PARP14: variants seen among roughly 807,000 people sequenced by gnomAD.
PARP14 encodes poly(ADP-ribose) polymerase family member 14.
In PARP14, 59 loss-of-function variants were observed where a neutral mutation model predicts 154.2. The ratio of observed to expected loss-of-function variants is 0.38; its 90% CI spans 0.31 to 0.48. The LOEUF (loss-of-function observed/expected upper bound fraction) is 0.48, where lower values mean the gene tolerates loss of function less well. Among genes scored for constraint, PARP14 ranks in the 20% least tolerant of loss-of-function variants. PARP14 has a pLI of 0.98. For synonymous variants in PARP14, 720 were observed against 780.5 expected (o/e 0.92, Z 1.29); for missense variants, 1,734 against 2,131.6 (o/e 0.81, Z 3.67).
At chr3:122,691,492 C>A (rs1215258360) in intron 3 of PARP14, among the ~76,000 whole-genome samples, 2 of 152,154 alleles carry the variant, frequency 1.3e-5, no homozygotes, top group African/African-American at 2.4e-5. Context: ...GTGTGTATTC[C>A]TTAATCATTT....
rs953683184 is a variant in PARP14 at position 122,687,186 on chromosome 3, A to T, written c.355+73A>T. ...ATTTATTAAAGGCAGCACTTGAGGGAGTCAGCCCTCTCTTCTTGACTTCCA... is the reference window on the plus strand; with the variant it reads ...ATTTATTAAAGGCAGCACTTGAGGGTGTCAGCCCTCTCTTCTTGACTTCCA... On this transcript the variant is annotated intron_variant, in intron 3 of 16. Transcript: ENST00000474629. 5 of 1,040,322 alleles carry T rather than the reference A, an allele frequency of 4.8e-6. No individual in the cohort carries two copies. The African/African-American group carries it at 7.9e-5, about 16-fold the overall frequency. The allele number at this position is 1,040,322 out of a possible 1,614,324, so 64.4% of individuals were successfully genotyped here. A position where few individuals can be genotyped will look rare whatever the true frequency, so the allele number is the denominator to read the frequency against.
At chr3:122,710,156 T>C (rs142464385) in intron 9 of PARP14, among the ~76,000 whole-genome samples, 37 of 152,284 alleles carry the variant, frequency 2.4e-4, no homozygotes, top group Middle Eastern at 6.8e-3. Context: ...AGAAGAGTTT[T>C]TCCAATGTTA....
At position 122,727,997 on chromosome 3, in the gene PARP14, G is replaced by A. The variant is rs373983074; in HGVS notation, c.5116+11G>A. ...ATGCCGGAAAGAATGGTAAGGAAGC[G>A]AGTAATCTGGCTGCTTGGAATGAGG... is the stretch of plus-strand genomic sequence containing the variant. On this transcript the variant is annotated intron_variant, in intron 16 of 16. Coordinates refer to ENST00000474629, the MANE Select transcript of PARP14 (RefSeq NM_017554.3). 1.8e-5 allele frequency: 29 copies of A among 1,602,636 alleles called. No homozygotes were observed. The highest frequency in any genetic ancestry group is 5.4e-5 in the African/African-American group (4 of 74,384).
At chr3:122,722,810 G>A (rs1366503519) in intron 15 of PARP14, among the ~76,000 whole-genome samples, 1 of 152,130 alleles carries the variant, frequency 6.6e-6, no homozygotes, top group Non-Finnish European at 1.5e-5. Flanking sequence ...GTAAGTTGCA[G>A]ACATCATGAT....
In PARP14 at chr3:122,692,547, A is replaced by G; in HGVS notation, c.598+4A>G. 1 of 1,601,876 alleles carries G rather than the reference A, an allele frequency of 6.2e-7. No homozygotes were observed. Among genetic ancestry groups the G allele is most frequent in the Non-Finnish European group, 8.5e-7 (1 of 1,170,604 alleles). On this transcript the variant is annotated splice_donor_region_variant and intron_variant, in intron 4 of 16. Coordinates refer to ENST00000474629, the MANE Select transcript of PARP14 (RefSeq NM_017554.3). ...GTTACCTTTCAAAAGCACATAGGTA[A>G]GATGAAGTGACACTTCCTCTGCCTG...
chr3:122,694,744 T>C (rs1005360495), intron 4 of PARP14, among the ~76,000 whole-genome samples: 3 of 152,058 alleles, frequency 2.0e-5, no homozygotes, highest in African/African-American at 7.3e-5. Context: ...TTTCTCGAAC[T>C]CCTGATCTCA....
rs1174227625 is a variant in PARP14, at chr3:122,718,966, A to T, written c.4807+8A>T. ...GCCTCACGAAATCCAAAGGTGAGTT[A>T]AACATTCATACTTGTCATCCACTAT... On this transcript the variant is annotated splice_region_variant and intron_variant, in intron 14 of 16. Transcript: ENST00000474629. 6.4e-7 allele frequency: 1 copy of T among 1,555,886 alleles called. No homozygotes were observed. The highest frequency in any genetic ancestry group is 8.7e-7 in the Non-Finnish European group (1 of 1,152,156).
intron 11 of PARP14, 24 bp from the exon 12 acceptor site, chr3:122,714,238 C>T (rs1253598804): frequency 8.9e-6 from 14 of 1,569,586 alleles, no homozygotes; most frequent in Non-Finnish European, 1.2e-5. Flanking sequence ...ACTAATTTTG[C>T]ATCTTTTTGT....
chr3:122,713,399 T>C lies in PARP14; in HGVS notation c.3620-25T>C, dbSNP rs370418588. The C allele has an allele frequency of 6.3e-6, 10 of 1,598,468 alleles. No homozygotes were observed. In the African/African-American group the frequency reaches 1.2e-4, roughly 19 times the overall value. On this transcript the variant is annotated intron_variant, in intron 9 of 16. Transcript: ENST00000474629. ...ATTCTTGCTGTGGCTGACTCGGTTA[T>C]TGACTTTACTTCTTTTCTTTTCAGG... is the stretch of plus-strand genomic sequence containing the variant.
intron 12 of PARP14, among the ~76,000 whole-genome samples, chr3:122,716,956 A>G (rs2107652837): frequency 6.6e-6 from 1 of 152,336 alleles, no homozygotes; most frequent in Non-Finnish European, 1.5e-5. Flanking sequence ...CTAGCCAGTG[A>G]TAGGACATAG....
chr3:122,710,726 A>AC (rs1939296410), intron 9 of PARP14, among the ~76,000 whole-genome samples: 1 of 151,514 alleles, frequency 6.6e-6, no homozygotes, highest in Non-Finnish European at 1.5e-5. Context: ...CATTTCTTTG[A>AC]CCAGTGTTTT....
At chr3:122,717,477 AGG>A (rs1357655229) in intron 12 of PARP14, among the ~76,000 whole-genome samples, 1 of 152,184 alleles carries the variant, frequency 6.6e-6, no homozygotes, top group Non-Finnish European at 1.5e-5. Context: ...GTGGAGGGAA[AGG>A]CTTCTTGGAG....
chr3:122,725,002 G>T (rs1933252214), intron 15 of PARP14, among the ~76,000 whole-genome samples: 1 of 152,202 alleles, frequency 6.6e-6, no homozygotes, highest in South Asian at 2.1e-4. Flanking sequence ...CAAGGCAGAA[G>T]AATTTTTCTT....
At chr3:122,698,034 T>A (rs1938834610) in intron 5 of PARP14, among the ~76,000 whole-genome samples, 1 of 152,092 alleles carries the variant, frequency 6.6e-6, no homozygotes, top group Non-Finnish European at 1.5e-5. Context: ...TGCTGTGAGG[T>A]TGAAATGAAA....
intron 3 of PARP14, among the ~76,000 whole-genome samples, chr3:122,691,835 A>C (rs910676237): frequency 6.6e-6 from 1 of 152,240 alleles, no homozygotes; most frequent in African/African-American, 2.4e-5. Context: ...TAATAAAATT[A>C]AACTTCAATT....
intron 1 of PARP14, among the ~76,000 whole-genome samples, chr3:122,684,176 C>A (rs1938298526): frequency 6.6e-6 from 1 of 152,192 alleles, no homozygotes; most frequent in South Asian, 2.1e-4. Context: ...CCTCATCAGG[C>A]CAGCCATATC....
chr3:122,720,899 G>A (rs1352001273), intron 15 of PARP14: 1 of 456,438 alleles, frequency 2.2e-6, no homozygotes, highest in East Asian at 7.0e-5. Flanking sequence ...ATGAGCCCAG[G>A]AGTTTGACGC....
intron 1 of PARP14, chr3:122,683,318 G>T (rs1430870526): frequency 1.0e-6 from 1 of 981,954 alleles, no homozygotes; most frequent in African/African-American, 1.7e-5. Flanking sequence ...CGGGCCCATA[G>T]CATAACCTGA....
chr3:122,716,554 G>T (rs763550572), intron 12 of PARP14, among the ~76,000 whole-genome samples: 8 of 152,130 alleles, frequency 5.3e-5, no homozygotes, highest in Non-Finnish European at 1.0e-4. Context: ...ATATAGTGAA[G>T]GTATGTGTAT....
Sources: allele counts gnomAD v4.1 joint callset (sites outside exome capture counted in the v4.1 genomes callset), GRCh38; gene constraint gnomAD v4.1.1; transcripts MANE v1.5; gene names NCBI Gene and HGNC (gene_info 2026-07-23, HGNC 2026-07-21).